Variants in BTF3L4 observed in about 807,000 individuals in gnomAD.
The protein encoded by BTF3L4 is transcription factor BTF3 homolog 4.
BTF3L4 carries 6 observed loss-of-function variants against 16.8 expected under a neutral mutation model. That is an observed-to-expected ratio of 0.36 (90% CI 0.20 to 0.71). The LOEUF (loss-of-function observed/expected upper bound fraction) is 0.71, where lower values mean the gene tolerates loss of function less well. Ranked by LOEUF, BTF3L4 falls within the 30% of genes least tolerant of loss-of-function variation. BTF3L4 has a pLI of 0.58. For missense variants in BTF3L4, 92 were observed against 186.9 expected, an observed-to-expected ratio of 0.49 and a Z score of 2.96; for synonymous variants, 39 against 59.8, an observed-to-expected ratio of 0.65 and a Z score of 1.60.
chr1:52,070,182 A>T (rs1188124829), intron 3 of BTF3L4, among the ~76,000 whole-genome samples: 1 of 150,098 alleles, frequency 6.7e-6, no homozygotes, highest in South Asian at 2.1e-4. Context: ...GTGCCATTGC[A>T]CTCTAGCCTG....
intron 3 of BTF3L4, among the ~76,000 whole-genome samples, chr1:52,075,854 G>A (rs1299550142): frequency 2.0e-5 from 3 of 151,790 alleles, no homozygotes; most frequent in Non-Finnish European, 4.4e-5. Context: ...TAGTAGAGAC[G>A]GGGTTTTATC....
rs1362685806 is a variant in BTF3L4 at position 52,087,494 on chromosome 1, T to G, written c.*736T>G. 1 of 152,304 alleles carries G rather than the reference T, an allele frequency of 6.6e-6. No homozygotes were observed. The highest frequency in any genetic ancestry group is 2.4e-5 in the African/African-American group (1 of 41,564). 9.4% of individuals were successfully genotyped at this position (152,304 alleles called of 1,614,324 possible). On this transcript the variant is annotated 3_prime_UTR_variant, in exon 6 of 6. Transcript: ENST00000313334. ...GCCTGGTCAGCTTTTGGTAATATTC[T>G]TCCTCATCTTCCACCTAGCTTGAGA...
intron 1 of BTF3L4, among the ~76,000 whole-genome samples, chr1:52,058,154 T>A (rs1686421927): frequency 6.6e-6 from 1 of 152,222 alleles, no homozygotes; most frequent in African/African-American, 2.4e-5. Context: ...GAATTGGGAT[T>A]TAAGTCATCA....
intron 3 of BTF3L4, among the ~76,000 whole-genome samples, chr1:52,070,557 C>CA (rs200740908): frequency 0.73 from 76,301 of 103,986 alleles, 28,713 homozygotes; most frequent in Non-Finnish European, 0.83. Context: ...GACTCCATCT[C>CA]AAAAAAAAAA....
chr1:52,069,097 C>A (rs1177959600), intron 3 of BTF3L4, among the ~76,000 whole-genome samples: 1 of 152,168 alleles, frequency 6.6e-6, no homozygotes, highest in African/African-American at 2.4e-5. Flanking sequence ...TACACTATAG[C>A]AGCTTCTCTG....
At chr1:52,062,750 T>C (rs1686549697) in intron 2 of BTF3L4, among the ~76,000 whole-genome samples, 2 of 152,190 alleles carry the variant, frequency 1.3e-5, no homozygotes, top group Non-Finnish European at 2.9e-5. Context: ...GAGACGCTAT[T>C]GCTAGAGTCT....
chr1:52,088,635 T>C lies in BTF3L4; in HGVS notation c.*1877T>C, dbSNP rs1341174584. On this transcript the variant is annotated 3_prime_UTR_variant, in exon 6 of 6. Coordinates refer to ENST00000313334, the MANE Select transcript of BTF3L4 (RefSeq NM_152265.5). ...CTTCAAGTGGTTAGGGACAGATAAA[T>C]AATAGGCAGTATAGCACATGAAAGA... 4 of 152,300 alleles carry C rather than the reference T, an allele frequency of 2.6e-5. No individual in the cohort carries two copies. Among genetic ancestry groups the C allele is most frequent in the East Asian group, 3.9e-4 (2 of 5,188 alleles). 9.4% of individuals were successfully genotyped at this position (152,300 alleles called of 1,614,324 possible). A position where few individuals can be genotyped will look rare whatever the true frequency, so the allele number is the denominator to read the frequency against.
Position 52,071,931 on chromosome 1 carries a change from C to CTGTGTGTGTGTGTGTG in BTF3L4, c.168+7021_168+7036dup, listed in dbSNP as rs59491944. Among the ~76,000 whole-genome samples, 3 of 127,898 alleles carry CTGTGTGTGTGTGTGTG rather than the reference C, an allele frequency of 2.3e-5. No individual in the cohort carries two copies. The Admixed American group carries it at 2.5e-4, about 11-fold the overall frequency. 83.9% of individuals were successfully genotyped at this position (127,898 alleles called of 152,430 possible). On this transcript the variant is annotated intron_variant, in intron 3 of 5. Transcript: ENST00000313334. ...TTGGCTTTTTGTTTTGTTTTTTACT[C>CTGTGTGTGTGTGTGTG]TGTGTGTGTGTGTGTGTGTGTGTGT... is the stretch of plus-strand genomic sequence containing the variant.
intron 3 of BTF3L4, among the ~76,000 whole-genome samples, chr1:52,068,931 C>T (rs1057441505): frequency 6.6e-6 from 1 of 152,210 alleles, no homozygotes; most frequent in African/African-American, 2.4e-5. Context: ...TATGCCTCCA[C>T]AATGCCCTGT....
At chr1:52,070,985 TCATCCAGAAC>T (rs889623437) in intron 3 of BTF3L4, among the ~76,000 whole-genome samples, 6 of 152,146 alleles carry the variant, frequency 3.9e-5, no homozygotes, top group South Asian at 2.1e-4. Context: ...TTACAGAGTA[TCATCCAGAAC>T]CAAATTTCTG....
intron 3 of BTF3L4, chr1:52,071,252 A>T (rs1396539555): frequency 6.6e-6 from 1 of 152,204 alleles, no homozygotes; most frequent in Non-Finnish European, 1.5e-5. Context: ...AGAGTTTTAT[A>T]ATAATATTCA....
At position 52,068,890 on chromosome 1, in the gene BTF3L4, T is replaced by C. The variant is rs143054417; in HGVS notation, c.168+3952T>C. ...CTTCCTGGTAGCACCTGTACAGCAT[T>C]TGTGCAGAGAAGGGTTAGGTGCCTT... On this transcript the variant is annotated intron_variant, in intron 3 of 5. Transcript: ENST00000313334. Among the ~76,000 whole-genome samples the C allele has an allele frequency of 1.4e-4, 22 of 152,304 alleles. No homozygotes were observed. The East Asian group carries it at 3.9e-3, about 27-fold the overall frequency.
intron 1 of BTF3L4, among the ~76,000 whole-genome samples, chr1:52,056,912 A>G (rs1686378357): frequency 6.6e-6 from 1 of 152,202 alleles, no homozygotes; most frequent in Non-Finnish European, 1.5e-5. Flanking sequence ...GCTGACCGAC[A>G]GGCTCAGTGT....
At chr1:52,074,689 A>G (rs1368835125) in intron 3 of BTF3L4, among the ~76,000 whole-genome samples, 2 of 150,538 alleles carry the variant, frequency 1.3e-5, no homozygotes, top group Middle Eastern at 3.4e-3. Context: ...TTGAATTTTT[A>G]GTAGAGATGG....
Position 52,086,115 on chromosome 1 carries a change from T to C in BTF3L4, c.374T>C (p.Leu125Ser). 1 of 1,605,610 alleles carries C rather than the reference T, an allele frequency of 6.2e-7. No homozygotes were observed. Among genetic ancestry groups the C allele is most frequent in the Non-Finnish European group, 8.5e-7 (1 of 1,176,310 alleles). Residue 125 changes from leucine to serine, a missense_variant, in exon 5 of 6, where the codon TTG (leucine) becomes TCG (serine). Coordinates refer to ENST00000313334, the MANE Select transcript of BTF3L4 (RefSeq NM_152265.5). ...TATTAAAATAAACTTTTTGTAGTCTTGGACAGTAAAGCACCAAAACCAGAA... is the reference window on the plus strand; with the variant it reads ...TATTAAAATAAACTTTTTGTAGTCTCGGACAGTAAAGCACCAAAACCAGAA... ...KLAEQFPRQV[L>S]DSKAPKPEDI...
Position 52,087,832 on chromosome 1 carries a change from A to G in BTF3L4, c.*1074A>G, listed in dbSNP as rs542678048. 88 of 152,762 alleles carry G rather than the reference A, an allele frequency of 5.8e-4. No individual in the cohort carries two copies. Among genetic ancestry groups the G allele is most frequent in the African/African-American group, 1.8e-3 (74 of 41,580 alleles). 9.5% of individuals were successfully genotyped at this position (152,762 alleles called of 1,614,324 possible). On this transcript the variant is annotated 3_prime_UTR_variant, in exon 6 of 6. Transcript: ENST00000313334. ...ATCTCCCAGCACAAATGGGCATTCT[A>G]TGAAATGGTACTGGCCCTAGGAGGA...
intron 3 of BTF3L4, among the ~76,000 whole-genome samples, chr1:52,077,620 G>C (rs1284975560): frequency 6.6e-6 from 1 of 152,162 alleles, no homozygotes; most frequent in Non-Finnish European, 1.5e-5. Flanking sequence ...TTCAAAAAAA[G>C]TCACAAAGAA....
In BTF3L4 at chr1:52,087,019, T is replaced by G. The variant is rs1643978494; in HGVS notation, c.*261T>G. The stretch of plus-strand genomic sequence containing the variant: ...TGGTTTTTGATTCCTGGTTTTTTTG[T>G]TTTTTGTTTGGGGTATTTTTGGTGT... On this transcript the variant is annotated 3_prime_UTR_variant, in exon 6 of 6. Transcript: ENST00000313334. 1 of 359,530 alleles carries G rather than the reference T, an allele frequency of 2.8e-6. No individual in the cohort carries two copies. The highest frequency in any genetic ancestry group is 4.6e-5 in the Admixed American group (1 of 21,644). 22.3% of individuals were successfully genotyped at this position (359,530 alleles called of 1,614,324 possible).
chr1:52,085,178 G>A (rs1036068782), intron 4 of BTF3L4, among the ~76,000 whole-genome samples: 1 of 151,058 alleles, frequency 6.6e-6, no homozygotes, highest in Non-Finnish European at 1.5e-5. Flanking sequence ...CCGCCACTGC[G>A]CCTGGCTAAT....
Sources: allele counts gnomAD v4.1 joint callset (sites outside exome capture counted in the v4.1 genomes callset), GRCh38; gene constraint gnomAD v4.1.1; transcripts MANE v1.5; gene names NCBI Gene and HGNC (gene_info 2026-07-23, HGNC 2026-07-21).